The following NFATC3 variants were observed in gnomAD, a reference collection of about 807,000 sequenced individuals.
The protein encoded by NFATC3 is nuclear factor of activated T-cells, cytoplasmic 3.
In NFATC3, 46 loss-of-function variants were observed where a neutral mutation model predicts 98.6. The observed-to-expected ratio is 0.47, with a 90% CI of 0.37 to 0.60. NFATC3 has a LOEUF of 0.60. NFATC3 is among the 20% of genes least tolerant of loss of function. The pLI is 0.00. For synonymous variants in NFATC3, 512 were observed against 472.2 expected (o/e 1.08, Z -1.09); for missense variants, 1,256 against 1,295.5 (o/e 0.97, Z 0.47).
chr16:68,143,228 A>G (rs1324991134), intron 3 of NFATC3, among the ~76,000 whole-genome samples: 1 of 151,522 alleles, frequency 6.6e-6, no homozygotes, highest in Non-Finnish European at 1.5e-5. Context: ...AAAAAAAAAA[A>G]AAGGAAAGAA....
At chr16:68,124,236 G>A (rs2036709187) in intron 2 of NFATC3, among the ~76,000 whole-genome samples, 2 of 151,796 alleles carry the variant, frequency 1.3e-5, no homozygotes, top group South Asian at 4.2e-4. Flanking sequence ...TGAGTGGCTG[G>A]GACTATAGGC....
Position 68,226,566 on chromosome 16 carries a change from G to A in NFATC3, c.*95G>A. ...CCAACTCTGCAGCCTTCAGGTCTGGGGCCAGGAGTGGGACCCACCATTTGT... is the reference window on the plus strand; with the variant it reads ...CCAACTCTGCAGCCTTCAGGTCTGGAGCCAGGAGTGGGACCCACCATTTGT... On this transcript the variant is annotated 3_prime_UTR_variant, in exon 10 of 10. Transcript: ENST00000346183. 1.5e-6 allele frequency: 2 copies of A among 1,359,150 alleles called. No individual in the cohort carries two copies. Among genetic ancestry groups the A allele is most frequent in the Non-Finnish European group, 1.9e-6 (2 of 1,035,910 alleles). The allele number at this position is 1,359,150 out of a possible 1,614,324, so 84.2% of individuals were successfully genotyped here.
intron 9 of NFATC3, among the ~76,000 whole-genome samples, chr16:68,209,077 AG>A (rs1347124009): frequency 6.6e-6 from 1 of 152,138 alleles, no homozygotes; most frequent in African/African-American, 2.4e-5. Flanking sequence ...TTGTGATCTT[AG>A]GGGGAAAGCT....
intron 9 of NFATC3, among the ~76,000 whole-genome samples, chr16:68,199,354 G>A (rs1388030919): frequency 1.8e-4 from 26 of 145,902 alleles, no homozygotes; most frequent in South Asian, 6.7e-4. Context: ...CTCCTGAGTA[G>A]CTGGGACTAC....
At chr16:68,171,653 T>A (rs2039467509) in intron 5 of NFATC3, among the ~76,000 whole-genome samples, 1 of 152,010 alleles carries the variant, frequency 6.6e-6, no homozygotes, top group Admixed American at 6.6e-5. Flanking sequence ...TTTTTATTTT[T>A]AAATAAAGAT....
At chr16:68,224,225 C>T (rs529481027) in intron 9 of NFATC3, among the ~76,000 whole-genome samples, 3 of 150,538 alleles carry the variant, frequency 2.0e-5, no homozygotes, top group Non-Finnish European at 2.9e-5. Context: ...CTTCAAGTCC[C>T]TACTTCTTTA....
chr16:68,157,407 T>C (rs1305345337), intron 3 of NFATC3, among the ~76,000 whole-genome samples: 1 of 152,210 alleles, frequency 6.6e-6, no homozygotes, highest in Non-Finnish European at 1.5e-5. Flanking sequence ...TTTATACTTA[T>C]AAAATTGTAA....
intron 9 of NFATC3, chr16:68,192,254 T>TATAG (rs2040464813): frequency 1.0e-5 from 1 of 97,192 alleles, no homozygotes; most frequent in African/African-American, 3.3e-5. Context: ...TATATATATA[T>TATAG]GTATGTGTAT....
At chr16:68,113,463 C>G (rs1462836353) in intron 1 of NFATC3, among the ~76,000 whole-genome samples, 5 of 152,236 alleles carry the variant, frequency 3.3e-5, no homozygotes, top group Non-Finnish European at 1.5e-5. Flanking sequence ...GCTGCCTCCT[C>G]CTCTGGGAGC....
intron 1 of NFATC3, among the ~76,000 whole-genome samples, chr16:68,094,100 C>A (rs976707806): frequency 4.6e-5 from 7 of 152,162 alleles, no homozygotes; most frequent in Middle Eastern, 6.8e-3. Flanking sequence ...TGTGCTAGAC[C>A]CAAATTTAGC....
At position 68,221,504 on chromosome 16, in the gene NFATC3, G is replaced by A. The variant is rs540391025; in HGVS notation, c.3107-4846G>A. The A allele has an allele frequency of 2.5e-5, 31 of 1,259,054 alleles. No homozygotes were observed. In the South Asian group the frequency reaches 7.2e-4, roughly 29 times the overall value. The allele number at this position is 1,259,054 out of a possible 1,614,324, so 78.0% of individuals were successfully genotyped here. ...TGTCATTGTTCCAAGTCCCCAAATT[G>A]TTTTAAAGATTCAGTTGGCAAGTAA... On this transcript the variant is annotated intron_variant, in intron 9 of 9. Coordinates refer to ENST00000346183, the MANE Select transcript of NFATC3 (RefSeq NM_173165.3).
chr16:68,093,342 C>T (rs2151444493), intron 1 of NFATC3, among the ~76,000 whole-genome samples: 1 of 152,210 alleles, frequency 6.6e-6, no homozygotes, highest in East Asian at 1.9e-4. Context: ...TAATTCAGTC[C>T]TTCCATTTTA....
chr16:68,112,893 T>C (rs1567503438), intron 1 of NFATC3, among the ~76,000 whole-genome samples: 1 of 152,080 alleles, frequency 6.6e-6, no homozygotes. Context: ...TTGATACTTG[T>C]GGTTGTATTG....
intron 3 of NFATC3, among the ~76,000 whole-genome samples, chr16:68,144,586 C>A (rs1381529007): frequency 6.6e-5 from 10 of 152,102 alleles, no homozygotes; most frequent in Non-Finnish European, 2.9e-5. Flanking sequence ...CTCAAGCGAT[C>A]CATCCACCTT....
intron 8 of NFATC3, among the ~76,000 whole-genome samples, chr16:68,187,389 C>T (rs1165367761): frequency 6.6e-6 from 1 of 152,184 alleles, no homozygotes; most frequent in African/African-American, 2.4e-5. Context: ...CCTGTTTCAA[C>T]CCTGTTTGTA....
chr16:68,092,592 T>C (rs2034784682), intron 1 of NFATC3, among the ~76,000 whole-genome samples: 1 of 151,896 alleles, frequency 6.6e-6, no homozygotes, highest in Non-Finnish European at 1.5e-5. Context: ...AAACCCCGCC[T>C]CTACTAAAAA....
At chr16:68,133,190 C>T (rs2037205754) in intron 3 of NFATC3, among the ~76,000 whole-genome samples, 1 of 152,238 alleles carries the variant, frequency 6.6e-6, no homozygotes, top group East Asian at 1.9e-4. Context: ...CACATGAACC[C>T]GTGGGTGGAG....
chr16:68,141,984 T>G (rs973734185), intron 3 of NFATC3, among the ~76,000 whole-genome samples: 1 of 152,162 alleles, frequency 6.6e-6, no homozygotes, highest in African/African-American at 2.4e-5. Flanking sequence ...TTTTTATATG[T>G]GGTGAGAGAC....
chr16:68,153,904 G>A (rs1363695374), intron 3 of NFATC3, among the ~76,000 whole-genome samples: 2 of 151,706 alleles, frequency 1.3e-5, no homozygotes, highest in Admixed American at 1.3e-4. Context: ...GTGAGCCACC[G>A]TGCCCGGCCC....
Sources: allele counts gnomAD v4.1 joint callset (sites outside exome capture counted in the v4.1 genomes callset), GRCh38; gene constraint gnomAD v4.1.1; transcripts MANE v1.5; gene names NCBI Gene and HGNC (gene_info 2026-07-23, HGNC 2026-07-21).